WDPCP: variants seen among roughly 807,000 people sequenced by gnomAD.
WDPCP encodes the protein WD repeat containing planar cell polarity effector.
A neutral mutation model predicts 93.1 loss-of-function variants in WDPCP; 71 were observed. The observed-to-expected ratio is 0.76, with a 90% CI of 0.63 to 0.93. WDPCP has a LOEUF of 0.93. WDPCP is among the 40% of genes least tolerant of loss of function. The pLI, the probability that WDPCP is intolerant of heterozygous loss-of-function variation, is 0.00. For synonymous variants in WDPCP, 315 were observed against 315.0 expected (o/e 1.00, Z 0.00); for missense variants, 844 against 887.4 (o/e 0.95, Z 0.62).
intron 14 of WDPCP, among the ~76,000 whole-genome samples, chr2:63,184,254 T>C (rs1164536268): frequency 2.6e-5 from 4 of 152,182 alleles, no homozygotes; most frequent in Non-Finnish European, 5.9e-5. Flanking sequence ...AGTTCTGTCC[T>C]GTTGTAATTT....
intron 3 of WDPCP, among the ~76,000 whole-genome samples, chr2:63,629,125 G>C (rs1709840187): frequency 6.6e-6 from 1 of 152,110 alleles, no homozygotes; most frequent in African/African-American, 2.4e-5. Flanking sequence ...CAGCAAAGTG[G>C]AAACACCAAC....
intron 2 of WDPCP, among the ~76,000 whole-genome samples, chr2:63,783,569 C>T (rs1670426601): frequency 1.3e-5 from 2 of 151,988 alleles, no homozygotes; most frequent in African/African-American, 4.8e-5. Context: ...AGTATATATA[C>T]ACAATGGAAT....
At chr2:63,275,819 A>G (rs1176437183) in intron 13 of WDPCP, among the ~76,000 whole-genome samples, 1 of 152,226 alleles carries the variant, frequency 6.6e-6, no homozygotes, top group African/African-American at 2.4e-5. Context: ...CACCAGAAAG[A>G]TGGTGCATAG....
In WDPCP at chr2:63,486,542, A is replaced by C. The variant is rs866240226; in HGVS notation, c.253T>G (p.Ser85Ala). ...NLEKKQKLAE[S>A]RDYPWTLKNR... ...TCCAAAAAATATAAAGTAAGCTTAC[A>C]CTCTGCCAGCTTCTGCTTCTTTTCT... is the stretch of plus-strand genomic sequence containing the variant. Residue 85 changes from serine (S) to alanine (A), a missense_variant and splice_region_variant, in exon 4 of 18, where the codon TCA (serine) becomes GCA (alanine). Transcript: ENST00000272321. 5 of 1,571,396 alleles carry C rather than the reference A, an allele frequency of 3.2e-6. No individual in the cohort carries two copies. The highest frequency in any genetic ancestry group is 4.3e-6 in the Non-Finnish European group (5 of 1,155,214).
intron 2 of WDPCP, among the ~76,000 whole-genome samples, chr2:63,722,140 C>G (rs1375137772): frequency 2.0e-5 from 3 of 152,252 alleles, no homozygotes; most frequent in African/African-American, 7.2e-5. Context: ...CAGCCTCTGC[C>G]CGGCCGCCAC....
At position 63,374,509 on chromosome 2, in the gene WDPCP, C is replaced by T. The variant is rs559351452; in HGVS notation, c.1748+3877G>A. Among the ~76,000 whole-genome samples, 14 of 152,180 alleles carry T rather than the reference C, an allele frequency of 9.2e-5. No homozygotes were observed. The East Asian group carries it at 2.7e-3, about 29-fold the overall frequency. On this transcript the variant is annotated intron_variant, in intron 12 of 17. Coordinates refer to ENST00000272321, the MANE Select transcript of WDPCP (RefSeq NM_015910.7). The stretch of plus-strand genomic sequence containing the variant: ...GTATTCATGTTCTTTAAAATGATTT[C>T]ATACAAATGTTGTATTTACTATATA...
At chr2:63,794,141 A>G (rs1019717880) in intron 2 of WDPCP, among the ~76,000 whole-genome samples, 1 of 152,054 alleles carries the variant, frequency 6.6e-6, no homozygotes, top group Non-Finnish European at 1.5e-5. Context: ...CCCATTCTGA[A>G]TTGCTCTCTT....
At chr2:63,826,877 G>T (rs1173002351) in intron 1 of WDPCP, among the ~76,000 whole-genome samples, 1 of 152,018 alleles carries the variant, frequency 6.6e-6, no homozygotes, top group Non-Finnish European at 1.5e-5. Flanking sequence ...ATTTAATTTG[G>T]AAAAATGGTC....
At chr2:63,179,106 C>G (rs1441102241) in intron 14 of WDPCP, among the ~76,000 whole-genome samples, 5 of 150,592 alleles carry the variant, frequency 3.3e-5, no homozygotes, top group Non-Finnish European at 7.4e-5. Flanking sequence ...GAATTTGAGG[C>G]TGGAGAATCG....
chr2:63,765,818 ATGACAC>A (rs1670129485), intron 2 of WDPCP, among the ~76,000 whole-genome samples: 1 of 152,208 alleles, frequency 6.6e-6, no homozygotes, highest in East Asian at 1.9e-4. Context: ...GAAACCCCTC[ATGACAC>A]TGACTCTTCT....
At chr2:63,312,298 G>C (rs1686243891) in intron 13 of WDPCP, among the ~76,000 whole-genome samples, 1 of 152,120 alleles carries the variant, frequency 6.6e-6, no homozygotes, top group Non-Finnish European at 1.5e-5. Flanking sequence ...AAACATCAAA[G>C]CTTCATTTAA....
intron 2 of WDPCP, among the ~76,000 whole-genome samples, chr2:63,811,237 T>G (rs1014020491): frequency 6.6e-6 from 1 of 152,182 alleles, no homozygotes; most frequent in Admixed American, 6.5e-5. Context: ...TATTCATACC[T>G]CTCTGAGTGT....
intron 2 of WDPCP, among the ~76,000 whole-genome samples, chr2:63,781,287 A>G (rs1670387819): frequency 6.6e-6 from 1 of 152,162 alleles, no homozygotes; most frequent in Admixed American, 6.5e-5. Flanking sequence ...CATGACTGGT[A>G]TATATTTGCC....
chr2:63,551,959 C>CT (rs36189794), intron 1 of WDPCP, among the ~76,000 whole-genome samples: 526 of 122,262 alleles, frequency 4.3e-3, no homozygotes, highest in Middle Eastern at 0.013. Context: ...CTTTCATTTT[C>CT]TTTTTTTTTT....
At chr2:63,381,756 TA>T in intron 11 of WDPCP, 149 bp downstream of exon 11, 1 of 790,114 alleles carries the variant, frequency 1.3e-6, no homozygotes, top group South Asian at 1.8e-5. Context: ...AATTATTTGA[TA>T]TCTGATCCTT....
intron 9 of WDPCP, among the ~76,000 whole-genome samples, chr2:63,406,127 A>G (rs1027836572): frequency 2.0e-5 from 3 of 152,068 alleles, no homozygotes; most frequent in African/African-American, 7.2e-5. Context: ...TGTGTGGCAG[A>G]GTGCTGGATT....
At chr2:63,260,382 T>C (rs1056937469) in intron 13 of WDPCP, among the ~76,000 whole-genome samples, 2 of 152,172 alleles carry the variant, frequency 1.3e-5, no homozygotes, top group Non-Finnish European at 2.9e-5. Context: ...GAAATAAATA[T>C]AAATGGCTTA....
At chr2:63,687,604 C>T (rs1056590772) in intron 2 of WDPCP, among the ~76,000 whole-genome samples, 14 of 152,138 alleles carry the variant, frequency 9.2e-5, no homozygotes, top group Admixed American at 7.2e-4. Context: ...CATTCATCAT[C>T]AGCAAAATGC....
intron 12 of WDPCP, among the ~76,000 whole-genome samples, chr2:63,339,098 G>C (rs551286239): frequency 6.6e-6 from 1 of 151,648 alleles, no homozygotes; most frequent in Non-Finnish European, 1.5e-5. Flanking sequence ...TCACTTCTTT[G>C]GTTATATTGA....
Sources: gnomAD v4.1 joint callset for allele counts (sites outside exome capture counted in the v4.1 genomes callset) on GRCh38, gnomAD v4.1.1 for gene constraint, MANE v1.5 for transcripts, NCBI Gene and HGNC (gene_info 2026-07-23, HGNC 2026-07-21) for gene names.